BBS9: variants seen among roughly 807,000 people sequenced by gnomAD.
The protein encoded by BBS9 is Bardet-Biedl syndrome 9.
A neutral mutation model predicts 117.7 loss-of-function variants in BBS9; 89 were observed. The observed-to-expected ratio is 0.76, with a 90% confidence interval of 0.64 to 0.90. BBS9 has a LOEUF of 0.90. Ranked by LOEUF, BBS9 falls within the 40% of genes least tolerant of loss-of-function variation. The probability of loss-of-function intolerance (pLI) is 0.00; values close to 1 mark genes in which losing one functional copy is unlikely to be tolerated. For synonymous variants in BBS9, 379 were observed against 370.9 expected (o/e 1.02, Z -0.25); for missense variants, 982 against 1,042.2 (o/e 0.94, Z 0.80).
intron 20 of BBS9, among the ~76,000 whole-genome samples, chr7:33,509,988 A>C (rs1400364663): frequency 3.9e-5 from 6 of 152,136 alleles, no homozygotes; most frequent in Non-Finnish European, 8.8e-5. Flanking sequence ...GGTATATGTA[A>C]ATTTTTAAAA....
chr7:33,360,397 T>C (rs2128694009), intron 16 of BBS9, among the ~76,000 whole-genome samples: 1 of 152,144 alleles, frequency 6.6e-6, no homozygotes, highest in East Asian at 1.9e-4. Flanking sequence ...ACCTTGCCAA[T>C]AGAGAATCTT....
chr7:33,172,979 T>C (rs1389568532), intron 4 of BBS9, among the ~76,000 whole-genome samples: 1 of 152,200 alleles, frequency 6.6e-6, no homozygotes, highest in African/African-American at 2.4e-5. Flanking sequence ...AATGGTGATT[T>C]CCTTAATAGA....
intron 19 of BBS9, among the ~76,000 whole-genome samples, chr7:33,398,419 T>A (rs1828360248): frequency 6.6e-6 from 1 of 152,118 alleles, no homozygotes. Context: ...TATGCTTGAG[T>A]GAATGTAAAG....
At chr7:33,203,143 G>T (rs1452038976) in intron 5 of BBS9, among the ~76,000 whole-genome samples, 1 of 152,114 alleles carries the variant, frequency 6.6e-6, no homozygotes, top group Non-Finnish European at 1.5e-5. Flanking sequence ...AGGTGGTAGG[G>T]GTTGGTAAGG....
intron 10 of BBS9, among the ~76,000 whole-genome samples, chr7:33,336,950 TTA>T (rs1584390015): frequency 6.6e-6 from 1 of 152,174 alleles, no homozygotes; most frequent in Non-Finnish European, 1.5e-5. Context: ...GCATTAAAAT[TTA>T]GAGTGGTCAT....
chr7:33,246,858 C>T (rs527643696), intron 5 of BBS9, among the ~76,000 whole-genome samples: 37 of 152,140 alleles, frequency 2.4e-4, no homozygotes, highest in African/African-American at 7.7e-4. Context: ...TCCCCATTCC[C>T]AGATTCTGAC....
intron 5 of BBS9, among the ~76,000 whole-genome samples, chr7:33,219,875 C>T (rs1192429173): frequency 6.6e-6 from 1 of 152,166 alleles, no homozygotes; most frequent in Non-Finnish European, 1.5e-5. Context: ...ATAAATCTTG[C>T]TACTGCTCAC....
Position 33,605,498 on chromosome 7 carries a change from G to GGA in BBS9, c.*272_*273insGA. ...CATCTGCTAATAGTCACAGAATACA[G>GGA]TGAAATGACATAGTTTTGGGTTAGA... On this transcript the variant is annotated 3_prime_UTR_variant, in exon 23 of 23. Transcript: ENST00000242067. 1 of 496,158 alleles carries GGA rather than the reference G, an allele frequency of 2.0e-6. No individual in the cohort carries two copies. 30.7% of individuals were successfully genotyped at this position (496,158 alleles called of 1,614,324 possible).
intron 19 of BBS9, among the ~76,000 whole-genome samples, chr7:33,437,717 TA>T (rs533283065): frequency 1.3e-5 from 2 of 150,866 alleles, no homozygotes; most frequent in South Asian, 2.1e-4. Context: ...CTACTAAAAA[TA>T]AAAAAAAATT....
At chr7:33,251,641 A>G (rs1475451893) in intron 5 of BBS9, among the ~76,000 whole-genome samples, 2 of 152,252 alleles carry the variant, frequency 1.3e-5, no homozygotes, top group Non-Finnish European at 2.9e-5. Flanking sequence ...CATGTAGTAT[A>G]AGAGTTAGAA....
At chr7:33,295,452 T>C (rs1008146175) in intron 9 of BBS9, among the ~76,000 whole-genome samples, 1 of 151,528 alleles carries the variant, frequency 6.6e-6, no homozygotes, top group Non-Finnish European at 1.5e-5. Context: ...TTTTTTGTGA[T>C]GCTTAAATTT....
At chr7:33,356,543 A>G (rs1584472553) in intron 15 of BBS9, among the ~76,000 whole-genome samples, 1 of 151,828 alleles carries the variant, frequency 6.6e-6, no homozygotes, top group East Asian at 1.9e-4. Context: ...TGAGCTACGT[A>G]AAACTTGATG....
At chr7:33,607,017 C>T (rs537031834), downstream of BBS9, among the ~76,000 whole-genome samples, 32 of 152,186 alleles carry the variant, frequency 2.1e-4, no homozygotes, top group Admixed American at 8.5e-4. Flanking sequence ...ATTCATCTTC[C>T]GCTCTTTAGA....
At chr7:33,485,545 G>T (rs528117010) in intron 19 of BBS9, among the ~76,000 whole-genome samples, 1 of 151,966 alleles carries the variant, frequency 6.6e-6, no homozygotes, top group East Asian at 1.9e-4. Flanking sequence ...TCCTGACCTC[G>T]TGATCCACCT....
At chr7:33,144,685 C>T (rs1317656022) in intron 1 of BBS9, among the ~76,000 whole-genome samples, 1 of 152,130 alleles carries the variant, frequency 6.6e-6, no homozygotes, top group Non-Finnish European at 1.5e-5. Flanking sequence ...TCTAATGTTC[C>T]TAAAAGCAAG....
chr7:33,368,477 C>T (rs1321210525), intron 17 of BBS9, among the ~76,000 whole-genome samples: 1 of 151,916 alleles, frequency 6.6e-6, no homozygotes, highest in East Asian at 1.9e-4. Flanking sequence ...ATGTAGTATA[C>T]TGAAGCTACT....
intron 18 of BBS9, among the ~76,000 whole-genome samples, chr7:33,386,662 T>C (rs1220159549): frequency 6.6e-6 from 1 of 151,750 alleles, no homozygotes; most frequent in Non-Finnish European, 1.5e-5. Flanking sequence ...AGCTAATTTT[T>C]TGTATTTTTT....
chr7:33,280,117 T>C (rs1801527671), intron 9 of BBS9, among the ~76,000 whole-genome samples: 1 of 152,246 alleles, frequency 6.6e-6, no homozygotes, highest in African/African-American at 2.4e-5. Context: ...TAGTCACTTA[T>C]TTTAAATTTG....
At chr7:33,629,366 G>C (rs1479499515) in intron 21 of BBS9, among the ~76,000 whole-genome samples, 8 of 152,034 alleles carry the variant, frequency 5.3e-5, no homozygotes, top group East Asian at 1.9e-4. Flanking sequence ...AACAATTTTT[G>C]TTTCCTTTGT....
Sources: allele counts gnomAD v4.1 joint callset (sites outside exome capture counted in the v4.1 genomes callset), GRCh38; gene constraint gnomAD v4.1.1; transcripts MANE v1.5; gene names NCBI Gene and HGNC (gene_info 2026-07-23, HGNC 2026-07-21).